RMDN2: variants seen among roughly 807,000 people sequenced by gnomAD.
The protein encoded by RMDN2 is regulator of microtubule dynamics 2, also known as regulator of microtubule dynamics protein 2.
A neutral mutation model predicts 52.8 loss-of-function variants in RMDN2; 61 were observed. The observed-to-expected ratio is 1.16, with a 90% confidence interval of 0.94 to 1.43. The LOEUF is 1.43. Among genes scored for constraint, RMDN2 ranks in the 40% most tolerant of loss-of-function variants. The pLI, the probability that RMDN2 is intolerant of heterozygous loss-of-function variation, is 0.00. For missense variants in RMDN2, 592 were observed against 475.3 expected (o/e 1.25, Z -2.28); for synonymous variants, 180 against 153.1 (o/e 1.18, Z -1.30).
intron 8 of RMDN2, among the ~76,000 whole-genome samples, chr2:38,001,178 A>G (rs1448327794): frequency 6.6e-6 from 1 of 152,238 alleles, no homozygotes; most frequent in Non-Finnish European, 1.5e-5. Flanking sequence ...TAATTTGTTC[A>G]ACAGTGTTTA....
chr2:38,052,264 C>G (rs1433668550), intron 10 of RMDN2, among the ~76,000 whole-genome samples: 2 of 152,120 alleles, frequency 1.3e-5, no homozygotes, highest in African/African-American at 2.4e-5. Flanking sequence ...TTGCATTTCT[C>G]TGATGATTAG....
At chr2:37,935,875 A>G (rs140129118) in intron 2 of RMDN2, among the ~76,000 whole-genome samples, 1 of 151,938 alleles carries the variant, frequency 6.6e-6, no homozygotes, top group East Asian at 1.9e-4. Context: ...CTATTGATGG[A>G]TGTTTAGGTT....
intron 10 of RMDN2, chr2:38,035,998 T>C (rs954715863): frequency 2.8e-5 from 4 of 143,960 alleles, no homozygotes; most frequent in African/African-American, 1.0e-4. Context: ...AGGAAGGAAA[T>C]AAAATCTCAG....
At chr2:38,066,805 T>C in intron 10 of RMDN2, 1 of 587,676 alleles carries the variant, frequency 1.7e-6, no homozygotes, top group South Asian at 2.3e-5. Flanking sequence ...CCTTCACTTA[T>C]TCTTAACTGT....
At chr2:37,953,253 A>G (rs1384231039) in intron 2 of RMDN2, 1 of 152,040 alleles carries the variant, frequency 6.6e-6, no homozygotes, top group South Asian at 2.1e-4. Context: ...CATTAAGTAC[A>G]TTCACATTGT....
chr2:37,965,735 ACTGT>A (rs2125039244), intron 2 of RMDN2, among the ~76,000 whole-genome samples: 1 of 152,256 alleles, frequency 6.6e-6, no homozygotes, highest in African/African-American at 2.4e-5. Flanking sequence ...GGTTCAAGTG[ACTGT>A]CTAAGGTCCT....
intron 2 of RMDN2, chr2:37,951,792 A>G: frequency 6.2e-7 from 1 of 1,613,524 alleles, no homozygotes; most frequent in South Asian, 1.1e-5. Flanking sequence ...TTTTGAAACA[A>G]ACACTACTTC....
intron 6 of RMDN2, among the ~76,000 whole-genome samples, chr2:37,990,726 C>G (rs933073667): frequency 6.6e-6 from 1 of 152,002 alleles, no homozygotes; most frequent in Non-Finnish European, 1.5e-5. Context: ...CTCCATAGCT[C>G]AATACATAAC....
At position 37,925,306 on chromosome 2, in the gene RMDN2, G is replaced by A. The variant is rs896840254; in HGVS notation, c.-136G>A. 2.6e-5 allele frequency: 4 copies of A among 152,358 alleles called. No individual in the cohort carries two copies. The highest frequency in any genetic ancestry group is 4.4e-5 in the Non-Finnish European group (3 of 68,088). 9.4% of individuals were successfully genotyped at this position (152,358 alleles called of 1,614,324 possible). A position where few individuals can be genotyped will look rare whatever the true frequency, so the allele number is the denominator to read the frequency against. On this transcript the variant is annotated 5_prime_UTR_variant, in exon 1 of 11. Transcript: ENST00000354545. ...TCCGCTATCTGGGTCAGGACGCGAC[G>A]GCCGCGGCGCGGGACCTTAGGACCC...
intron 2 of RMDN2, among the ~76,000 whole-genome samples, chr2:37,954,113 T>C (rs1044594107): frequency 4.6e-5 from 7 of 151,990 alleles, no homozygotes; most frequent in African/African-American, 1.2e-4. Flanking sequence ...TTAAAAAAGA[T>C]ATAATTTGCA....
At chr2:37,937,571 T>C (rs543422757) in intron 2 of RMDN2, among the ~76,000 whole-genome samples, 3 of 152,164 alleles carry the variant, frequency 2.0e-5, no homozygotes, top group Non-Finnish European at 4.4e-5. Flanking sequence ...CTCTTGTTTC[T>C]TTGAGCAGTG....
intron 2 of RMDN2, among the ~76,000 whole-genome samples, chr2:37,932,980 G>T (rs1195497501): frequency 6.6e-6 from 1 of 151,596 alleles, no homozygotes; most frequent in African/African-American, 2.4e-5. Flanking sequence ...CTTCCCAGAC[G>T]GGGTGGCTGC....
chr2:37,927,206 G>T (rs147236128), intron 1 of RMDN2, among the ~76,000 whole-genome samples: 1 of 152,116 alleles, frequency 6.6e-6, no homozygotes, highest in Admixed American at 6.5e-5. Flanking sequence ...GAGCATCTCT[G>T]TTCAGTCAGT....
chr2:38,004,953 G>A (rs1238117287), intron 10 of RMDN2, among the ~76,000 whole-genome samples: 2 of 151,852 alleles, frequency 1.3e-5, no homozygotes, highest in Non-Finnish European at 2.9e-5. Context: ...GTGGTGTTTG[G>A]TTTTTTGTCC....
intron 2 of RMDN2, among the ~76,000 whole-genome samples, chr2:37,949,561 G>A (rs1193261129): frequency 6.6e-6 from 1 of 152,162 alleles, no homozygotes; most frequent in Non-Finnish European, 1.5e-5. Context: ...CCATGATACA[G>A]TAAGAGATTA....
At chr2:38,012,743 G>A (rs138234198) in intron 10 of RMDN2, 1 of 340,712 alleles carries the variant, frequency 2.9e-6, no homozygotes, top group Non-Finnish European at 5.9e-6. Context: ...AGTTTTTTCA[G>A]ATTGAAATAT....
intron 10 of RMDN2, among the ~76,000 whole-genome samples, chr2:38,025,240 TA>T (rs1679688935): frequency 6.6e-6 from 1 of 152,126 alleles, no homozygotes; most frequent in African/African-American, 2.4e-5. Flanking sequence ...AACTTATTCC[TA>T]AGTATTTCAT....
chr2:37,998,242 C>G (rs1400524417), intron 8 of RMDN2: 1 of 152,176 alleles, frequency 6.6e-6, no homozygotes, highest in Non-Finnish European at 1.5e-5. Context: ...AAAATACAGA[C>G]AAGGCTGCAT....
intron 2 of RMDN2, among the ~76,000 whole-genome samples, chr2:37,960,337 G>GTATA (rs146086142): frequency 0.034 from 5,075 of 151,212 alleles, 143 homozygotes; most frequent in African/African-American, 0.071. Context: ...TGTATTGGGT[G>GTATA]TATATATATA....
Sources: allele counts gnomAD v4.1 joint callset (sites outside exome capture counted in the v4.1 genomes callset), GRCh38; gene constraint gnomAD v4.1.1; transcripts MANE v1.5; gene names NCBI Gene and HGNC (gene_info 2026-07-23, HGNC 2026-07-21).